ADK: variants seen among roughly 807,000 people sequenced by gnomAD.
ADK encodes the protein N6,N6-dimethyladenosine kinase.
A neutral mutation model predicts 44.7 loss-of-function variants in ADK; 24 were observed. The ratio of observed to expected loss-of-function variants is 0.54; its 90% CI spans 0.39 to 0.76. The LOEUF is 0.76. ADK is among the 30% of genes least tolerant of loss of function. The pLI, the probability that ADK is intolerant of heterozygous loss-of-function variation, is 0.00. For missense variants in ADK, 321 were observed against 425.1 expected (o/e 0.76, Z 2.15); for synonymous variants, 128 against 142.6 (o/e 0.90, Z 0.73).
At chr10:74,505,137 C>T (rs1438507767) in intron 6 of ADK, among the ~76,000 whole-genome samples, 1 of 152,090 alleles carries the variant, frequency 6.6e-6, no homozygotes, top group East Asian at 1.9e-4. Flanking sequence ...GGTAGGCATA[C>T]TCAGTGTAAC....
intron 7 of ADK, 47 bp downstream of exon 7, chr10:74,525,473 G>C (rs1211219520): frequency 1.4e-6 from 2 of 1,417,842 alleles, no homozygotes; most frequent in African/African-American, 1.4e-5. Flanking sequence ...TTTTTTGTTT[G>C]TTTATTTCTG....
At chr10:74,216,733 AAAT>A (rs1478949747) in intron 2 of ADK, among the ~76,000 whole-genome samples, 40 of 151,512 alleles carry the variant, frequency 2.6e-4, no homozygotes, top group South Asian at 2.1e-4. Flanking sequence ...TCAAAAAAAA[AAAT>A]AAAAAAAAAA....
At chr10:74,298,760 A>G (rs1839901899) in intron 3 of ADK, among the ~76,000 whole-genome samples, 1 of 81,598 alleles carries the variant, frequency 1.2e-5, no homozygotes, top group Non-Finnish European at 3.5e-5. Context: ...ACCCCCCAAA[A>G]AAACAAAAAC....
At chr10:74,205,675 C>CA (rs11419041) in intron 2 of ADK, among the ~76,000 whole-genome samples, 47,483 of 85,132 alleles carry the variant, frequency 0.56, 12,760 homozygotes, top group Non-Finnish European at 0.64. Flanking sequence ...GAATCTGTCT[C>CA]AAAAAAAAAA....
intron 3 of ADK, among the ~76,000 whole-genome samples, chr10:74,254,010 G>A (rs942175815): frequency 9.2e-5 from 14 of 152,050 alleles, no homozygotes; most frequent in Non-Finnish European, 1.9e-4. Flanking sequence ...CAAGTGATCC[G>A]CCCGCCTCAG....
intron 3 of ADK, among the ~76,000 whole-genome samples, chr10:74,232,538 A>AACCCC (rs1844805599): frequency 2.1e-5 from 1 of 46,804 alleles, no homozygotes; most frequent in Non-Finnish European, 3.9e-5. Context: ...CAAACAAACA[A>AACCCC]CCCCCCCGCA....
intron 3 of ADK, among the ~76,000 whole-genome samples, chr10:74,252,806 G>C (rs1054595990): frequency 6.6e-6 from 1 of 152,162 alleles, no homozygotes; most frequent in Non-Finnish European, 1.5e-5. Flanking sequence ...GTGAGGCGGG[G>C]TAAGATTTGC....
chr10:74,242,592 G>A (rs966834299), intron 3 of ADK, among the ~76,000 whole-genome samples: 2 of 152,066 alleles, frequency 1.3e-5, no homozygotes, highest in Non-Finnish European at 2.9e-5. Flanking sequence ...ATAGGGGTGG[G>A]TCCCTGGTGA....
At chr10:74,402,777 GTGT>G (rs929018320) in intron 6 of ADK, among the ~76,000 whole-genome samples, 1 of 152,174 alleles carries the variant, frequency 6.6e-6, no homozygotes, top group African/African-American at 2.4e-5. Context: ...CCATCCAGCT[GTGT>G]TCTATTGCTG....
chr10:74,687,655 A>G (rs148236939), intron 10 of ADK, among the ~76,000 whole-genome samples: 1 of 152,310 alleles, frequency 6.6e-6, no homozygotes, highest in East Asian at 1.9e-4. Flanking sequence ...TCCATCTATC[A>G]TACAATACAT....
At chr10:74,598,386 C>T (rs1374356108) in intron 8 of ADK, among the ~76,000 whole-genome samples, 3 of 146,346 alleles carry the variant, frequency 2.0e-5, no homozygotes, top group East Asian at 4.1e-4. Context: ...CCAAAGCTCT[C>T]AACAAAATAT....
intron 4 of ADK, among the ~76,000 whole-genome samples, chr10:74,378,172 C>T (rs1462772720): frequency 6.6e-6 from 1 of 151,840 alleles, no homozygotes; most frequent in African/African-American, 2.4e-5. Context: ...AGCAGAGGCT[C>T]ACACCTGTAA....
intron 9 of ADK, among the ~76,000 whole-genome samples, chr10:74,663,252 T>A (rs199580294): frequency 3.0e-4 from 37 of 122,184 alleles, no homozygotes; most frequent in African/African-American, 1.1e-3. Context: ...AAAAATAATA[T>A]ATATATATAT....
intron 3 of ADK, among the ~76,000 whole-genome samples, chr10:74,295,476 A>ATT (rs1312438742): frequency 1.9e-4 from 25 of 132,270 alleles, no homozygotes; most frequent in South Asian, 1.4e-3. Flanking sequence ...AAAAAAAAAA[A>ATT]TTTTTTTAAA....
chr10:74,649,957 A>G (rs1168737394), intron 9 of ADK, among the ~76,000 whole-genome samples: 2 of 152,188 alleles, frequency 1.3e-5, no homozygotes, highest in African/African-American at 4.8e-5. Context: ...GAAGACCCCT[A>G]TATGGTCCAG....
chr10:74,214,680 A>G, intron 2 of ADK, among the ~76,000 whole-genome samples: 1 of 152,224 alleles, frequency 6.6e-6, no homozygotes, highest in Non-Finnish European at 1.5e-5. Flanking sequence ...TTGAATAAAA[A>G]GTGTTTGTTT....
chr10:74,350,944 C>T (rs1023439084), intron 4 of ADK, among the ~76,000 whole-genome samples: 7 of 152,070 alleles, frequency 4.6e-5, no homozygotes, highest in African/African-American at 1.7e-4. Context: ...TAATAGTCTA[C>T]CAACCAAAAA....
intron 6 of ADK, among the ~76,000 whole-genome samples, chr10:74,473,201 C>G (rs867628432): frequency 4.1e-5 from 6 of 147,134 alleles, no homozygotes; most frequent in South Asian, 4.2e-4. Context: ...CAGACACACA[C>G]ACACACACAC....
chr10:74,575,140 A>T (rs2133872812), intron 7 of ADK, among the ~76,000 whole-genome samples: 1 of 152,330 alleles, frequency 6.6e-6, no homozygotes, highest in South Asian at 2.1e-4. Context: ...GATTTATTTG[A>T]GGGCTTCTCT....
Sources: gnomAD v4.1 joint callset for allele counts (sites outside exome capture counted in the v4.1 genomes callset) on GRCh38, gnomAD v4.1.1 for gene constraint, MANE v1.5 for transcripts, NCBI Gene and HGNC (gene_info 2026-07-23, HGNC 2026-07-21) for gene names.